The following PHF2 variants were observed in gnomAD, a reference collection of about 807,000 sequenced individuals.
PHF2 encodes lysine-specific demethylase PHF2.
PHF2 carries 27 observed loss-of-function variants against 120.5 expected under a neutral mutation model. The observed-to-expected ratio is 0.22, with a 90% confidence interval of 0.17 to 0.31. PHF2 has a LOEUF of 0.31. PHF2 is among the 10% of genes least tolerant of loss of function. The pLI is 1.00. For missense variants in PHF2, 1,024 were observed against 1,434.8 expected (o/e 0.71, Z 4.63); for synonymous variants, 568 against 592.5 (o/e 0.96, Z 0.60).
intron 1 of PHF2, among the ~76,000 whole-genome samples, chr9:93,589,868 C>T (rs969578768): frequency 1.9e-4 from 29 of 152,128 alleles, no homozygotes; most frequent in Admixed American, 6.5e-5. Flanking sequence ...AACAGCAGTG[C>T]GCTGTGAATG....
chr9:93,650,346 T>G (rs953192600), intron 5 of PHF2, among the ~76,000 whole-genome samples: 4 of 152,078 alleles, frequency 2.6e-5, no homozygotes, highest in African/African-American at 9.7e-5. Flanking sequence ...CCTGACACAC[T>G]GAGATACTAA....
Position 93,656,528 on chromosome 9 carries a change from G to T in PHF2, c.1080G>T (p.Leu360=). The change falls in exon 9 of 22, where the codon CTG becomes CTT. Residue 360 remains leucine, a synonymous_variant. Transcript: ENST00000359246. This position sits in a 1 kb window ranked among gnomAD's most constrained non-coding sequence, Gnocchi z 4.1. ...EVERRLKLGS[L]TQFPNFETAC... ...AAAGGAGGTTGAAACTGGGCAGCCT[G>T]ACTCAGTTTCCCAACTTTGAAACTG... 1 of 1,613,882 alleles carries T rather than the reference G, an allele frequency of 6.2e-7. No homozygotes were observed. The highest frequency in any genetic ancestry group is 1.1e-5 in the South Asian group (1 of 91,074).
At position 93,673,710 on chromosome 9, in the gene PHF2, T is replaced by C. The variant is rs1826852020; in HGVS notation, c.2474T>C (p.Leu825Pro). 2.5e-6 allele frequency: 4 copies of C among 1,613,144 alleles called. No individual in the cohort carries two copies. The South Asian group carries it at 4.4e-5, about 18-fold the overall frequency. Reference protein sequence around the residue: ...WGAGQAKGSSLAAHGARKNGG... With the variant: ...WGAGQAKGSSPAAHGARKNGG... Reference sequence around the variant, plus strand: ...GCTGGCCAGGCCAAGGGGAGCTCGCTGGCTGCCCATGGTGCCCGGAAGAAT... The same window carrying C: ...GCTGGCCAGGCCAAGGGGAGCTCGCCGGCTGCCCATGGTGCCCGGAAGAAT... The change falls in exon 18 of 22, where the codon CTG becomes CCG. Residue 825 changes from leucine (L) to proline (P), a missense_variant. Leu to Pro is a moderately conservative substitution (Grantham distance 98). Around this residue, in one of 2 missense-constraint regions of PHF2, gnomAD observed 677 missense variants for 857.4 expected, o/e 0.79. Transcript: ENST00000359246.
chr9:93,653,108 T>G, intron 5 of PHF2, 71 bp from the exon 6 acceptor site: 1 of 1,427,504 alleles, frequency 7.0e-7, no homozygotes, highest in Non-Finnish European at 9.7e-7. Context: ...TCACAGAACA[T>G]GTTTCCCACT....
At chr9:93,668,845 G>A (rs982497111) in intron 17 of PHF2, among the ~76,000 whole-genome samples, 4 of 152,230 alleles carry the variant, frequency 2.6e-5, no homozygotes, top group Admixed American at 6.5e-5. Flanking sequence ...CCCTCAGCCC[G>A]CTGCAGGCAG....
chr9:93,649,700 T>A (rs1484732304), intron 5 of PHF2, among the ~76,000 whole-genome samples: 1 of 151,406 alleles, frequency 6.6e-6, no homozygotes, highest in East Asian at 2.0e-4. Context: ...ACACTCACAC[T>A]GACTCATGGA....
chr9:93,659,014 C>T (rs990029615), intron 10 of PHF2, among the ~76,000 whole-genome samples: 7 of 152,192 alleles, frequency 4.6e-5, no homozygotes, highest in African/African-American at 7.2e-5. Context: ...CTCTCCCAGG[C>T]CAGAGAAGGC....
At position 93,660,544 on chromosome 9, in the gene PHF2, C is replaced by A. The variant is rs201621427; in HGVS notation, c.1682C>A (p.Pro561Gln). 6.4e-6 allele frequency: 10 copies of A among 1,569,778 alleles called. No individual in the cohort carries two copies. Among genetic ancestry groups the A allele is most frequent in the Non-Finnish European group, 8.6e-6 (10 of 1,162,214 alleles). ...HTKEALTKME[P>Q]PKKGKATKSV... ...AAGGAGGCACTGACCAAGATGGAGC[C>A]GCCCAAGAAGGGCAAGGTGGGACCC... The change falls in exon 12 of 22, where the codon CCG (proline) becomes CAG (glutamine). Residue 561 changes from proline to glutamine, a missense_variant. By Grantham distance (76) the Pro-to-Gln change is moderately conservative. This residue lies in a region of PHF2 where 677 missense variants were observed against 857.4 expected (regional missense o/e 0.79). Coordinates refer to ENST00000359246, the MANE Select transcript of PHF2 (RefSeq NM_005392.4).
intron 1 of PHF2, among the ~76,000 whole-genome samples, chr9:93,603,417 T>G (rs1034045536): frequency 5.3e-5 from 8 of 152,150 alleles, no homozygotes; most frequent in African/African-American, 1.7e-4. Context: ...GTTGTGGTTA[T>G]TTTTGAGAAG....
At chr9:93,584,064 G>A (rs996862102) in intron 1 of PHF2, among the ~76,000 whole-genome samples, 3 of 152,112 alleles carry the variant, frequency 2.0e-5, no homozygotes, top group African/African-American at 7.2e-5. Flanking sequence ...TCGACCTCAG[G>A]TGATCTTCCT....
intron 1 of PHF2, among the ~76,000 whole-genome samples, chr9:93,577,979 G>T (rs1455866302): frequency 2.0e-5 from 3 of 152,178 alleles, no homozygotes; most frequent in African/African-American, 4.8e-5. Context: ...GCAAGCAGCC[G>T]GGGGAAAGAG....
chr9:93,624,666 GTGATGGTGATGATGA>G (rs1453341005), intron 1 of PHF2, among the ~76,000 whole-genome samples: 206 of 129,526 alleles, frequency 1.6e-3, no homozygotes, highest in African/African-American at 5.8e-3. Flanking sequence ...GGTGTTGGTG[GTGATGGTGATGATGA>G]TGATGGTGGT....
intron 1 of PHF2, among the ~76,000 whole-genome samples, chr9:93,628,046 G>T (rs1007171184): frequency 6.6e-6 from 1 of 152,212 alleles, no homozygotes; most frequent in Non-Finnish European, 1.5e-5. Context: ...TGCTTTAGGT[G>T]TTGAAGCACT....
chr9:93,640,989 G>T (rs1417183259), intron 3 of PHF2, among the ~76,000 whole-genome samples: 1 of 152,176 alleles, frequency 6.6e-6, no homozygotes, highest in Non-Finnish European at 1.5e-5. Flanking sequence ...GTCTGTGTCT[G>T]CAGCTCTCTC....
intron 1 of PHF2, among the ~76,000 whole-genome samples, chr9:93,577,615 C>G (rs1042420597): frequency 1.3e-5 from 2 of 152,230 alleles, no homozygotes; most frequent in African/African-American, 4.8e-5. Context: ...GCCACCTCCT[C>G]CCTGGCCTTC....
At chr9:93,635,734 A>T (rs1564389562) in intron 2 of PHF2, among the ~76,000 whole-genome samples, 1 of 152,224 alleles carries the variant, frequency 6.6e-6, no homozygotes, top group Non-Finnish European at 1.5e-5. Context: ...ATAGTCCACT[A>T]GGAATGTGTG....
chr9:93,675,824 G>A (rs1810222888), intron 20 of PHF2, 35 bp downstream of exon 20: 1 of 1,530,542 alleles, frequency 6.5e-7, no homozygotes, highest in Non-Finnish European at 9.0e-7. Context: ...CGGCAGCCAG[G>A]TCCCTGCTAC....
At chr9:93,663,147 AGTAG>A (rs1257589158) in intron 13 of PHF2, 121 bp downstream of exon 13, 1 of 1,371,780 alleles carries the variant, frequency 7.3e-7, no homozygotes, top group East Asian at 2.5e-5. Flanking sequence ...GCTTGTCCTG[AGTAG>A]GTAGTGCTGT....
At chr9:93,599,769 A>G (rs1825404914) in intron 1 of PHF2, among the ~76,000 whole-genome samples, 1 of 152,238 alleles carries the variant, frequency 6.6e-6, no homozygotes, top group Non-Finnish European at 1.5e-5. Context: ...CGGAGCACGA[A>G]AGGGATTTAG....
Sources: gnomAD v4.1 joint callset for allele counts (sites outside exome capture counted in the v4.1 genomes callset) on GRCh38, gnomAD v4.1.1 for gene constraint, gnomAD v4.1.1 regional missense constraint, Gnocchi (gnomAD v3.1) non-coding constraint, MANE v1.5 for transcripts, NCBI Gene and HGNC (gene_info 2026-07-23, HGNC 2026-07-21) for gene names.